TLK2: variants seen among roughly 807,000 people sequenced by gnomAD.
The protein encoded by TLK2 is tousled like kinase 2, also known as serine/threonine-protein kinase tousled-like 2.
A neutral mutation model predicts 117.3 loss-of-function variants in TLK2; 6 were observed. The ratio of observed to expected loss-of-function variants is 0.05; its 90% confidence interval spans 0.03 to 0.10. TLK2 has a LOEUF of 0.10. Ranked by LOEUF, TLK2 falls within the 10% of genes least tolerant of loss-of-function variation. TLK2 has a pLI of 1.00. For synonymous variants in TLK2, 257 were observed against 316.7 expected (o/e 0.81, Z 2.00); for missense variants, 299 against 901.2 (o/e 0.33, Z 8.56).
intron 12 of TLK2, 47 bp downstream of exon 12, chr17:62,573,414 C>G (rs1198837781): frequency 1.3e-6 from 2 of 1,593,590 alleles, no homozygotes; most frequent in South Asian, 2.3e-5. Flanking sequence ...ACCCTGCCCC[C>G]AAATACAAAT....
chr17:62,489,513 T>A (rs2072877765), intron 2 of TLK2, among the ~76,000 whole-genome samples: 1 of 152,136 alleles, frequency 6.6e-6, no homozygotes, highest in Non-Finnish European at 1.5e-5. Context: ...CCAGTCTGTA[T>A]GTTTTCTAGA....
intron 2 of TLK2, among the ~76,000 whole-genome samples, chr17:62,518,867 T>G (rs1425062198): frequency 6.6e-6 from 1 of 152,126 alleles, no homozygotes; most frequent in African/African-American, 2.4e-5. Flanking sequence ...TAAACATGTT[T>G]TTATTTTACT....
intron 2 of TLK2, among the ~76,000 whole-genome samples, chr17:62,511,582 C>T (rs888453714): frequency 1.3e-5 from 2 of 152,106 alleles, no homozygotes; most frequent in African/African-American, 4.8e-5. Flanking sequence ...ATTGGCCAGG[C>T]TGGTCTTGAA....
chr17:62,554,182 A>G (rs185152353), intron 9 of TLK2, among the ~76,000 whole-genome samples: 262 of 152,352 alleles, frequency 1.7e-3, no homozygotes, highest in Middle Eastern at 0.01. Flanking sequence ...CTTACAAAAG[A>G]AACCTTTAAA....
At chr17:62,510,674 A>T (rs2075074537) in intron 2 of TLK2, among the ~76,000 whole-genome samples, 1 of 152,146 alleles carries the variant, frequency 6.6e-6, no homozygotes, top group African/African-American at 2.4e-5. Flanking sequence ...CTGTGTGCAT[A>T]CATGTCTGTG....
chr17:62,585,093 A>C (rs1055503518), intron 15 of TLK2, among the ~76,000 whole-genome samples: 3 of 152,240 alleles, frequency 2.0e-5, no homozygotes, highest in Non-Finnish European at 4.4e-5. Flanking sequence ...TTCCTCAAAA[A>C]TCCATGTTAC....
chr17:62,475,025 G>A (rs1266674605), upstream of TLK2, among the ~76,000 whole-genome samples: 2 of 152,112 alleles, frequency 1.3e-5, no homozygotes, highest in Non-Finnish European at 2.9e-5. Context: ...CATCCTGGGC[G>A]ATAGAGCCAA....
chr17:62,536,003 A>G (rs939347922), intron 6 of TLK2, among the ~76,000 whole-genome samples, 167 bp from the exon 7 acceptor site: 2 of 152,202 alleles, frequency 1.3e-5, no homozygotes, highest in African/African-American at 4.8e-5. Context: ...TAGATAGGTT[A>G]TAATACAATG....
chr17:62,509,170 C>T (rs1050913758), intron 2 of TLK2, among the ~76,000 whole-genome samples: 6 of 152,134 alleles, frequency 3.9e-5, no homozygotes, highest in African/African-American at 1.4e-4. Context: ...CTCACTGCAG[C>T]CTCGACCTCC....
chr17:62,500,871 A>T (rs1424917947), intron 2 of TLK2, among the ~76,000 whole-genome samples: 1 of 152,240 alleles, frequency 6.6e-6, no homozygotes, highest in African/African-American at 2.4e-5. Flanking sequence ...CAAAGAATTC[A>T]CAAAGGAAAT....
chr17:62,609,151 G>A (rs966072201), intron 21 of TLK2, among the ~76,000 whole-genome samples: 2 of 152,008 alleles, frequency 1.3e-5, no homozygotes, highest in Non-Finnish European at 2.9e-5. Context: ...GCATTATCAC[G>A]GCTCACCACA....
chr17:62,580,070 G>A (rs770657264), intron 14 of TLK2, 41 bp from the exon 15 acceptor site: 1 of 1,558,570 alleles, frequency 6.4e-7, no homozygotes, highest in African/African-American at 1.4e-5. Context: ...GAAGACTGTA[G>A]TCCATGATCT....
intron 7 of TLK2, among the ~76,000 whole-genome samples, chr17:62,536,925 A>G (rs2077154221): frequency 6.6e-6 from 1 of 152,208 alleles, no homozygotes; most frequent in Admixed American, 6.5e-5. Context: ...TTTGAGTATT[A>G]TGAAAGTTTG....
chr17:62,497,386 A>G (rs1207541883), intron 2 of TLK2, among the ~76,000 whole-genome samples: 2 of 152,222 alleles, frequency 1.3e-5, no homozygotes, highest in African/African-American at 4.8e-5. Flanking sequence ...TCTCTTACAG[A>G]AAGTATTTGA....
intron 9 of TLK2, among the ~76,000 whole-genome samples, chr17:62,557,680 A>G (rs563975728): frequency 6.6e-6 from 1 of 152,326 alleles, no homozygotes; most frequent in East Asian, 1.9e-4. Flanking sequence ...GCCAAATTCC[A>G]GTATCTGTCA....
chr17:62,570,816 G>A (rs555833517), intron 11 of TLK2, among the ~76,000 whole-genome samples: 6 of 152,098 alleles, frequency 3.9e-5, no homozygotes, highest in Non-Finnish European at 7.4e-5. Context: ...TTAAACATAT[G>A]AATTGTCCTT....
intron 6 of TLK2, among the ~76,000 whole-genome samples, chr17:62,531,684 C>T (rs2076751150): frequency 6.6e-6 from 1 of 151,942 alleles, no homozygotes; most frequent in South Asian, 2.1e-4. Flanking sequence ...TTTATTTGCT[C>T]CTTCCGAGTA....
intron 2 of TLK2, among the ~76,000 whole-genome samples, chr17:62,482,289 C>T (rs1351128837): frequency 6.6e-6 from 1 of 152,012 alleles, no homozygotes; most frequent in Admixed American, 6.6e-5. Flanking sequence ...ACATTTGTTT[C>T]TGTGCTTTTC....
chr17:62,488,320 A>G lies in TLK2; in HGVS notation c.81+7114A>G, dbSNP rs555444390. Among the ~76,000 whole-genome samples the G allele has an allele frequency of 5.3e-5, 8 of 152,352 alleles. 1 individual carries two copies. The South Asian group carries it at 1.7e-3, about 32-fold the overall frequency. Reference sequence around the variant, plus strand: ...AAATTGACTTCTGAAAAGGTATTTAACCAACTGATACCTTTCTTTTCATGT... The same window carrying G: ...AAATTGACTTCTGAAAAGGTATTTAGCCAACTGATACCTTTCTTTTCATGT... On this transcript the variant is annotated intron_variant, in intron 2 of 21. Transcript: ENST00000346027.
Sources: gnomAD v4.1 joint callset for allele counts (sites outside exome capture counted in the v4.1 genomes callset) on GRCh38, gnomAD v4.1.1 for gene constraint, MANE v1.5 for transcripts, NCBI Gene and HGNC (gene_info 2026-07-23, HGNC 2026-07-21) for gene names.